Variants in SLC38A4 observed in about 807,000 individuals in gnomAD.
The protein encoded by SLC38A4 is sodium-coupled neutral amino acid transporter 4.
A neutral mutation model predicts 63.1 loss-of-function variants in SLC38A4; 20 were observed. The ratio of observed to expected loss-of-function variants is 0.32; its 90% confidence interval spans 0.22 to 0.46. SLC38A4 has a LOEUF of 0.46. Ranked by LOEUF, SLC38A4 falls within the 20% of genes least tolerant of loss-of-function variation. SLC38A4 has a pLI of 1.00. For missense variants in SLC38A4, 526 were observed against 663.6 expected (o/e 0.79, Z 2.28); for synonymous variants, 230 against 225.5 (o/e 1.02, Z -0.18).
At chr12:46,807,592 T>G (rs1376684886) in intron 1 of SLC38A4, among the ~76,000 whole-genome samples, 2 of 152,040 alleles carry the variant, frequency 1.3e-5, no homozygotes, top group Non-Finnish European at 2.9e-5. Flanking sequence ...GTTTTGGCAC[T>G]TCAAATTCTT....
upstream of SLC38A4, among the ~76,000 whole-genome samples, chr12:46,826,232 AG>A (rs1365848001): frequency 6.6e-6 from 1 of 152,198 alleles, no homozygotes; most frequent in Non-Finnish European, 1.5e-5. Context: ...CCCTGCCCTT[AG>A]GAGTATGCAG....
chr12:46,778,859 A>T, intron 10 of SLC38A4, 83 bp from the exon 11 acceptor site: 10 of 1,261,444 alleles, frequency 7.9e-6, no homozygotes, highest in Non-Finnish European at 1.1e-5. Flanking sequence ...TGTGGCTTAT[A>T]GGGTGGGGGG....
Position 46,778,502 on chromosome 12 carries a change from C to T in SLC38A4, c.992G>A (p.Arg331Gln), listed in dbSNP as rs538386001. The change falls in exon 11 of 17, where the codon CGG (arginine) becomes CAG (glutamine). Residue 331 changes from arginine (R) to glutamine (Q), a missense_variant and splice_region_variant. Coordinates refer to ENST00000266579, the MANE Select transcript of SLC38A4 (RefSeq NM_018018.5). ...CEPKYFVFNS[R>Q]TAYAIPILVF... is the part of the protein sequence containing the mutation. ...TAGAAGCCCGGACCGCTCACTTACCCGGGAGTTGAATACAAAGTATTTGGG... is the reference window on the plus strand; with the variant it reads ...TAGAAGCCCGGACCGCTCACTTACCTGGGAGTTGAATACAAAGTATTTGGG... The T allele has an allele frequency of 7.5e-6, 12 of 1,610,378 alleles. No individual in the cohort carries two copies. Among genetic ancestry groups the T allele is most frequent in the Middle Eastern group, 1.7e-4 (1 of 6,040 alleles).
chr12:46,805,598 C>T (rs1464942131), intron 1 of SLC38A4, among the ~76,000 whole-genome samples: 1 of 151,810 alleles, frequency 6.6e-6, no homozygotes, highest in African/African-American at 2.4e-5. Flanking sequence ...AAAATCATAC[C>T]ACAATGTAAT....
chr12:46,813,829 C>T (rs1252783074), intron 1 of SLC38A4, among the ~76,000 whole-genome samples: 1 of 151,970 alleles, frequency 6.6e-6, no homozygotes, highest in Non-Finnish European at 1.5e-5. Flanking sequence ...CCTCACAGTG[C>T]TGTTATGAGG....
intron 16 of SLC38A4, among the ~76,000 whole-genome samples, chr12:46,767,970 G>A (rs534810055): frequency 2.6e-5 from 4 of 152,002 alleles, no homozygotes; most frequent in Non-Finnish European, 5.9e-5. Context: ...CCATAACACC[G>A]CTAGGGAGCC....
chr12:46,793,203 T>C lies in SLC38A4; in HGVS notation c.-112-20A>G. The C allele has an allele frequency of 1.8e-6, 1 of 566,546 alleles. No homozygotes were observed. The highest frequency in any genetic ancestry group is 2.9e-5 in the Admixed American group (1 of 34,226). The allele number at this position is 566,546 out of a possible 1,614,324, so 35.1% of individuals were successfully genotyped here. On this transcript the variant is annotated intron_variant, in intron 2 of 16. Coordinates refer to ENST00000266579, the MANE Select transcript of SLC38A4 (RefSeq NM_018018.5). ...TCTGTTCTGCAAACAGAACACAACA[T>C]ACATCATTATAATTTTATTTAAATG...
At chr12:46,768,483 T>C in intron 15 of SLC38A4, 76 bp from the exon 16 acceptor site, 1 of 975,934 alleles carries the variant, frequency 1.0e-6, no homozygotes, top group South Asian at 1.6e-5. Flanking sequence ...GCACACACTT[T>C]AAATAAACCA....
At chr12:46,773,900 A>AT (rs1333266936) in intron 14 of SLC38A4, among the ~76,000 whole-genome samples, 6 of 151,996 alleles carry the variant, frequency 3.9e-5, no homozygotes, top group Admixed American at 6.6e-5. Context: ...TTAGTGAGTG[A>AT]TTTTTTTACA....
At chr12:46,824,396 C>A (rs756390069) in intron 1 of SLC38A4, 1 of 152,122 alleles carries the variant, frequency 6.6e-6, no homozygotes, top group Non-Finnish European at 1.5e-5. Context: ...CTAACACAAA[C>A]AAATGTCATT....
At chr12:46,783,896 A>G (rs976464833) in intron 7 of SLC38A4, among the ~76,000 whole-genome samples, 13 of 152,066 alleles carry the variant, frequency 8.5e-5, no homozygotes, top group Non-Finnish European at 1.6e-4. Flanking sequence ...CAACAGAAAC[A>G]GTATGAAGCT....
At chr12:46,827,132 T>G (rs1939668853), upstream of SLC38A4, among the ~76,000 whole-genome samples, 1 of 152,152 alleles carries the variant, frequency 6.6e-6, no homozygotes, top group South Asian at 2.1e-4. Context: ...TAGGCAGAAA[T>G]AGCCAACAAG....
At chr12:46,812,952 C>T (rs934293284) in intron 1 of SLC38A4, among the ~76,000 whole-genome samples, 4 of 152,008 alleles carry the variant, frequency 2.6e-5, no homozygotes, top group Non-Finnish European at 4.4e-5. Context: ...TTGGAATGAG[C>T]TGTCTTTAGT....
At chr12:46,777,028 C>T (rs1277143378) in intron 12 of SLC38A4, 24 bp from the exon 13 acceptor site, 1 of 1,577,816 alleles carries the variant, frequency 6.3e-7, no homozygotes, top group South Asian at 1.2e-5. Flanking sequence ...GAACACCAAG[C>T]TTTGTTTTTT....
Position 46,792,994 on chromosome 12 carries a change from G to C in SLC38A4, c.78C>G (p.Ser26Arg), listed in dbSNP as rs191632647. ...TTTCTGAATTTCCTATCCCGATGTA[G>C]CTATCTGGAGCACTTTCTCCACTGC... ...ESSSGESAPD[S>R]YIGIGNSEKA... is the part of the protein sequence containing the mutation. Residue 26 changes from serine (S) to arginine (R), a missense_variant, in exon 3 of 17, where the codon AGC becomes AGG. Transcript: ENST00000266579. The C allele has an allele frequency of 7.4e-6, 12 of 1,613,264 alleles. No homozygotes were observed. The African/African-American group carries it at 1.2e-4, about 16-fold the overall frequency.
At chr12:46,822,421 C>A (rs1221969726) in intron 1 of SLC38A4, among the ~76,000 whole-genome samples, 2 of 152,048 alleles carry the variant, frequency 1.3e-5, no homozygotes, top group Non-Finnish European at 2.9e-5. Flanking sequence ...GGACCCTACC[C>A]CTTCTTATGA....
At chr12:46,802,808 ATT>A (rs916285131) in intron 2 of SLC38A4, among the ~76,000 whole-genome samples, 1 of 152,016 alleles carries the variant, frequency 6.6e-6, no homozygotes, top group African/African-American at 2.4e-5. Context: ...TACCCTGGGC[ATT>A]TAACTAAAAC....
Position 46,784,531 on chromosome 12 carries a change from T to C in SLC38A4, c.493+11A>G. 2 of 1,605,126 alleles carry C rather than the reference T, an allele frequency of 1.2e-6. No homozygotes were observed. The highest frequency in any genetic ancestry group is 1.7e-6 in the Non-Finnish European group (2 of 1,174,210). Reference sequence around the variant, plus strand: ...AGTTTATGGGATCCATTGAAAAGTATATCCCCTTACCTCCAATGTTCTGCA... The same window carrying C: ...AGTTTATGGGATCCATTGAAAAGTACATCCCCTTACCTCCAATGTTCTGCA... On this transcript the variant is annotated intron_variant, in intron 7 of 16. Transcript: ENST00000266579.
Position 46,775,183 on chromosome 12 carries a change from G to C in SLC38A4, c.1175-10C>G. 6.2e-7 allele frequency: 1 copy of C among 1,609,012 alleles called. No homozygotes were observed. The highest frequency in any genetic ancestry group is 8.5e-7 in the Non-Finnish European group (1 of 1,177,596). ...TCATCTTCAACTTCTCCTACAACAG[G>C]AAAAAGAGAATGAAACCGCTTGGTG... is the stretch of plus-strand genomic sequence containing the variant. On this transcript the variant is annotated splice_polypyrimidine_tract_variant and intron_variant, in intron 13 of 16. Coordinates refer to ENST00000266579, the MANE Select transcript of SLC38A4 (RefSeq NM_018018.5).
Sources: gnomAD v4.1 joint callset for allele counts (sites outside exome capture counted in the v4.1 genomes callset) on GRCh38, gnomAD v4.1.1 for gene constraint, MANE v1.5 for transcripts, NCBI Gene and HGNC (gene_info 2026-07-23, HGNC 2026-07-21) for gene names.